Variants in PTPRR observed in about 807,000 individuals in gnomAD.
PTPRR encodes the protein protein tyrosine phosphatase receptor type R.
In PTPRR, 38 loss-of-function variants were observed where a neutral mutation model predicts 77.2. The ratio of observed to expected loss-of-function variants is 0.49; its 90% confidence interval spans 0.38 to 0.65. The LOEUF is 0.65. Ranked by LOEUF, PTPRR falls within the 30% of genes least tolerant of loss-of-function variation. The pLI is 0.00. For synonymous variants in PTPRR, 299 were observed against 283.1 expected (o/e 1.06, Z -0.57); for missense variants, 744 against 799.2 (o/e 0.93, Z 0.83).
At chr12:70,697,656 CT>C (rs139724222) in intron 8 of PTPRR, among the ~76,000 whole-genome samples, 5,198 of 152,122 alleles carry the variant, frequency 0.034, 273 homozygotes, top group African/African-American at 0.12. Context: ...AGATTTACAG[CT>C]GTTTTCGTTT....
At chr12:70,810,403 T>A (rs191873247) in intron 2 of PTPRR, among the ~76,000 whole-genome samples, 5 of 152,292 alleles carry the variant, frequency 3.3e-5, no homozygotes, top group Non-Finnish European at 5.9e-5. Context: ...AACGTAGACA[T>A]AATATCATTA....
intron 2 of PTPRR, among the ~76,000 whole-genome samples, chr12:70,828,192 G>A (rs142378448): frequency 5.3e-4 from 80 of 152,274 alleles, no homozygotes; most frequent in African/African-American, 1.8e-3. Flanking sequence ...AAATAAAACT[G>A]TCTTGTCCCC....
intron 2 of PTPRR, among the ~76,000 whole-genome samples, chr12:70,838,776 A>G (rs1210117748): frequency 6.6e-6 from 1 of 152,124 alleles, no homozygotes; most frequent in Non-Finnish European, 1.5e-5. Flanking sequence ...AATTAGGAAA[A>G]TTGTAGCAGA....
chr12:70,742,589 G>A (rs1264597204), intron 6 of PTPRR, among the ~76,000 whole-genome samples: 2 of 152,154 alleles, frequency 1.3e-5, no homozygotes, highest in African/African-American at 4.8e-5. Flanking sequence ...GAAGTTATCA[G>A]TTTCTTCCTG....
intron 2 of PTPRR, among the ~76,000 whole-genome samples, chr12:70,811,599 T>C (rs1565705429): frequency 6.6e-6 from 1 of 152,194 alleles, no homozygotes; most frequent in Non-Finnish European, 1.5e-5. Context: ...CCACTTTCAT[T>C]GTATATTCGC....
intron 8 of PTPRR, among the ~76,000 whole-genome samples, chr12:70,697,443 C>T (rs1050552885): frequency 3.9e-5 from 6 of 151,994 alleles, no homozygotes; most frequent in African/African-American, 7.3e-5. Context: ...GTAAGATTTG[C>T]GTATTGTAGC....
Position 70,794,744 on chromosome 12 carries a change from C to T in PTPRR, c.358-29966G>A, listed in dbSNP as rs1485885259. On this transcript the variant is annotated intron_variant, in intron 2 of 13. Coordinates refer to ENST00000283228, the MANE Select transcript of PTPRR (RefSeq NM_002849.4). ...CCCAGCAGCAATCAGAGAACAGTGT[C>T]CTTGGTGCAGATATCAATGACATCA... Among the ~76,000 whole-genome samples, 9 of 152,148 alleles carry T rather than the reference C, an allele frequency of 5.9e-5. No homozygotes were observed. In the South Asian group the frequency reaches 1.9e-3, roughly 32 times the overall value.
intron 10 of PTPRR, chr12:70,673,044 A>G (rs1012109239): frequency 9.6e-7 from 1 of 1,046,576 alleles, no homozygotes. Context: ...AAAAAAAAAA[A>G]AAAAAGAAAG....
intron 13 of PTPRR, among the ~76,000 whole-genome samples, chr12:70,645,523 T>G (rs377444652): frequency 3.2e-4 from 48 of 152,304 alleles, no homozygotes; most frequent in East Asian, 1.7e-3. Flanking sequence ...CAGAAGTACC[T>G]TGGTTTGGAT....
intron 8 of PTPRR, among the ~76,000 whole-genome samples, chr12:70,685,473 C>CAAAAAAAA (rs61205959): frequency 6.6e-5 from 4 of 60,978 alleles, no homozygotes; most frequent in African/African-American, 1.4e-4. Context: ...GACTTCATCT[C>CAAAAAAAA]AAAAAAAAAA....
chr12:70,706,372 G>A (rs1423652726), intron 6 of PTPRR, among the ~76,000 whole-genome samples: 1 of 151,856 alleles, frequency 6.6e-6, no homozygotes, highest in Non-Finnish European at 1.5e-5. Context: ...TAAATGAGTA[G>A]GTATTGTGAC....
chr12:70,830,682 A>C (rs953136512), intron 2 of PTPRR, among the ~76,000 whole-genome samples: 3 of 152,230 alleles, frequency 2.0e-5, no homozygotes, highest in Non-Finnish European at 4.4e-5. Flanking sequence ...TCGGAAACAC[A>C]GTCACCTGAC....
At chr12:70,881,499 G>A (rs751896842) in intron 2 of PTPRR, among the ~76,000 whole-genome samples, 7 of 152,096 alleles carry the variant, frequency 4.6e-5, no homozygotes, top group Non-Finnish European at 7.4e-5. Flanking sequence ...CCTCAAAAAT[G>A]GGCCTTTTTA....
At chr12:70,754,824 T>TC in intron 4 of PTPRR, 1 of 1,221,454 alleles carries the variant, frequency 8.2e-7, no homozygotes, top group Non-Finnish European at 1.1e-6. Context: ...TTTTTTTTTT[T>TC]CAAATAGAGT....
In PTPRR at chr12:70,695,689, G is replaced by C. The variant is rs1888206460; in HGVS notation, c.1279+2576C>G. 1.3e-5 allele frequency among the ~76,000 whole-genome samples: 2 copies of C among 152,038 alleles called. 1 individual carries two copies. Among genetic ancestry groups the C allele is most frequent in the South Asian group, 4.1e-4 (2 of 4,832 alleles). On this transcript the variant is annotated intron_variant, in intron 8 of 13. Coordinates refer to ENST00000283228, the MANE Select transcript of PTPRR (RefSeq NM_002849.4). ...TTTGGGTATATATAATTGTGATGGA[G>C]GTATATTCCCTTATTACTTATGTTT...
intron 8 of PTPRR, among the ~76,000 whole-genome samples, chr12:70,691,445 C>T (rs76172002): frequency 0.022 from 3,337 of 152,214 alleles, 34 homozygotes; most frequent in African/African-American, 0.033. Flanking sequence ...TAGGATTCAA[C>T]TTGACCCTCT....
At chr12:70,797,329 T>C (rs1361622425) in intron 2 of PTPRR, among the ~76,000 whole-genome samples, 1 of 152,142 alleles carries the variant, frequency 6.6e-6, no homozygotes, top group Non-Finnish European at 1.5e-5. Context: ...TATGCTCCCA[T>C]CCCCAACTGT....
chr12:70,670,467 G>T (rs1887180723), intron 10 of PTPRR, among the ~76,000 whole-genome samples: 1 of 152,206 alleles, frequency 6.6e-6, no homozygotes, highest in African/African-American at 2.4e-5. Context: ...TATAGGAATA[G>T]TAAAACCTAC....
chr12:70,788,965 A>G (rs1200082106), intron 2 of PTPRR: 3 of 1,231,942 alleles, frequency 2.4e-6, no homozygotes, highest in East Asian at 2.8e-5. Flanking sequence ...ACCTGGAGGT[A>G]ACCGCCTGGT....
Sources: gnomAD v4.1 joint callset for allele counts (sites outside exome capture counted in the v4.1 genomes callset) on GRCh38, gnomAD v4.1.1 for gene constraint, MANE v1.5 for transcripts, NCBI Gene and HGNC (gene_info 2026-07-23, HGNC 2026-07-21) for gene names.